Variants in COL5A2 observed in about 807,000 individuals in gnomAD.
COL5A2 encodes the protein collagen type V alpha 2 chain.
Under a neutral mutation model 208.2 loss-of-function variants are expected in COL5A2, and 23 were observed. That is an observed-to-expected ratio of 0.11 (90% CI 0.08 to 0.16). The LOEUF (loss-of-function observed/expected upper bound fraction) is 0.16, where lower values mean the gene tolerates loss of function less well. Ranked by LOEUF, COL5A2 falls within the 10% of genes least tolerant of loss-of-function variation. The pLI is 1.00. For missense variants in COL5A2, 1,590 were observed against 1,956.4 expected, an observed-to-expected ratio of 0.81 and a Z score of 3.53; for synonymous variants, 625 against 628.5, an observed-to-expected ratio of 0.99 and a Z score of 0.08.
intron 6 of COL5A2, 144 bp from the exon 7 acceptor site, chr2:189,092,564 A>G (rs1686811498): frequency 2.9e-6 from 2 of 694,748 alleles, no homozygotes; most frequent in South Asian, 1.6e-5. Flanking sequence ...TAATTTCATC[A>G]GCCATGTCAC....
chr2:189,131,684 A>G (rs887389576), intron 1 of COL5A2, among the ~76,000 whole-genome samples: 4 of 152,220 alleles, frequency 2.6e-5, no homozygotes, highest in African/African-American at 9.6e-5. Context: ...ATTAGGCTTC[A>G]GGAAAACACA....
intron 1 of COL5A2, among the ~76,000 whole-genome samples, chr2:189,197,154 A>C (rs1171385917): frequency 6.6e-6 from 1 of 152,236 alleles, no homozygotes; most frequent in African/African-American, 2.4e-5. Flanking sequence ...ATGAAGCTGG[A>C]AGCCATTATC....
the COL5A2 span, among the ~76,000 whole-genome samples, chr2:189,384,851 T>C: frequency 2.0e-5 from 3 of 152,124 alleles, no homozygotes; most frequent in African/African-American, 7.2e-5. Context: ...TTAAGGAACT[T>C]TCAAAATCAT....
the COL5A2 span, among the ~76,000 whole-genome samples, chr2:189,421,143 A>G: frequency 5.3e-4 from 80 of 152,258 alleles, no homozygotes; most frequent in Admixed American, 2.4e-3. Flanking sequence ...AATTTTTTTT[A>G]AAGTACTAAT....
At chr2:189,430,529 CAAG>C in the COL5A2 span, among the ~76,000 whole-genome samples, 1 of 152,230 alleles carries the variant, frequency 6.6e-6, no homozygotes, top group African/African-American at 2.4e-5. Flanking sequence ...AACTGTCAGA[CAAG>C]GAGATTCTCT....
Position 189,042,741 on chromosome 2 carries a change from G to A in COL5A2, c.3504C>T (p.Ile1168=). The stretch of plus-strand genomic sequence containing the variant: ...TTACTCTTGGGCCAAATGGTCCAGG[G>A]ATTCCAGCACTTCCTTGTTCACCAT... The part of the protein sequence containing the change: ...GPNGEQGSAG[I]PGPFGPRGPP... The change falls in exon 49 of 54, where the codon ATC becomes ATT. Residue 1168 remains isoleucine (I), a synonymous_variant. Coordinates refer to ENST00000374866, the MANE Select transcript of COL5A2 (RefSeq NM_000393.5). 6 of 1,608,110 alleles carry A rather than the reference G, an allele frequency of 3.7e-6. No homozygotes were observed. In the South Asian group the frequency reaches 5.5e-5, roughly 15 times the overall value.
intron 1 of COL5A2, among the ~76,000 whole-genome samples, chr2:189,184,881 T>A (rs934734291): frequency 5.9e-5 from 9 of 152,216 alleles, no homozygotes; most frequent in Admixed American, 6.5e-5. Context: ...CAGGAAGCCA[T>A]TATGGCTAGC....
the COL5A2 span, among the ~76,000 whole-genome samples, chr2:189,419,127 G>T: frequency 6.6e-6 from 1 of 152,134 alleles, no homozygotes; most frequent in South Asian, 2.1e-4. Flanking sequence ...AAATGTTCTG[G>T]GTAGGACTGA....
chr2:189,262,449 A>G, the COL5A2 span, among the ~76,000 whole-genome samples: 11 of 152,096 alleles, frequency 7.2e-5, no homozygotes, highest in Admixed American at 7.2e-4. Context: ...GTACAAAAGT[A>G]TAAGATGATT....
At chr2:189,341,155 A>G in the COL5A2 span, among the ~76,000 whole-genome samples, 2 of 152,296 alleles carry the variant, frequency 1.3e-5, no homozygotes, top group East Asian at 3.9e-4. Context: ...AACATCTAGA[A>G]ATTTGTGGTT....
chr2:189,224,256 C>T (rs542971561), intron 1 of COL5A2, among the ~76,000 whole-genome samples: 1 of 151,940 alleles, frequency 6.6e-6, no homozygotes, highest in African/African-American at 2.4e-5. Context: ...AAGTCCCTGA[C>T]TAATCATGTA....
chr2:189,295,590 G>T, the COL5A2 span, among the ~76,000 whole-genome samples: 2 of 152,108 alleles, frequency 1.3e-5, no homozygotes, highest in African/African-American at 4.8e-5. Context: ...ACTCCAGCCT[G>T]GGTGACCGAA....
intron 49 of COL5A2, 67 bp downstream of exon 49, chr2:189,042,653 G>T: frequency 6.9e-7 from 1 of 1,446,530 alleles, no homozygotes. Flanking sequence ...CGATACTCAA[G>T]CATTAGCAGT....
At chr2:189,402,787 C>CTATAGTATAG in the COL5A2 span, among the ~76,000 whole-genome samples, 1,234 of 150,354 alleles carry the variant, frequency 8.2e-3, 4 homozygotes, top group Admixed American at 0.012. Context: ...GCTCTTTTGG[C>CTATAGTATAG]TATAGTATAG....
the COL5A2 span, among the ~76,000 whole-genome samples, chr2:189,268,993 CT>C: frequency 6.6e-6 from 1 of 152,060 alleles, no homozygotes; most frequent in African/African-American, 2.4e-5. Context: ...AAAACTGAGC[CT>C]TATCTTAAGG....
At chr2:189,054,100 A>G (rs1685850137) in intron 36 of COL5A2, 59 bp downstream of exon 36, 2 of 1,489,486 alleles carry the variant, frequency 1.3e-6, no homozygotes, top group Non-Finnish European at 1.9e-6. Flanking sequence ...GATTTATGAA[A>G]GAGCCTGCTA....
the COL5A2 span, among the ~76,000 whole-genome samples, chr2:189,431,626 C>A: frequency 1.3e-4 from 19 of 151,814 alleles, no homozygotes; most frequent in African/African-American, 4.4e-4. Flanking sequence ...TGAAATAAAG[C>A]GAGAAGACAA....
chr2:189,300,730 T>C, the COL5A2 span, among the ~76,000 whole-genome samples: 12 of 152,214 alleles, frequency 7.9e-5, no homozygotes, highest in African/African-American at 2.9e-4. Flanking sequence ...CATACTGCAA[T>C]AGGCATTGGC....
the COL5A2 span, among the ~76,000 whole-genome samples, chr2:189,308,329 A>T: frequency 6.6e-6 from 1 of 152,010 alleles, no homozygotes; most frequent in South Asian, 2.1e-4. Context: ...ACAGCTGACC[A>T]GCATTAACAT....
Sources: allele counts gnomAD v4.1 joint callset (sites outside exome capture counted in the v4.1 genomes callset), GRCh38; gene constraint gnomAD v4.1.1; transcripts MANE v1.5; gene names NCBI Gene and HGNC (gene_info 2026-07-23, HGNC 2026-07-21).